The following SLC25A45 variants were observed in gnomAD, a reference collection of about 807,000 sequenced individuals.
The protein encoded by SLC25A45 is solute carrier family 25 member 45, also known as methylated amino-acid transporter SLC25A45.
Under a neutral mutation model 23.0 loss-of-function variants are expected in SLC25A45, and 22 were observed. The observed-to-expected ratio is 0.95, with a 90% confidence interval of 0.68 to 1.36. The LOEUF (loss-of-function observed/expected upper bound fraction) is 1.36, where lower values mean the gene tolerates loss of function less well. SLC25A45 is among the 40% of genes most tolerant of loss of function. The probability of loss-of-function intolerance (pLI) is 0.00; values close to 1 mark genes in which losing one functional copy is unlikely to be tolerated. For missense variants in SLC25A45, 355 were observed against 383.5 expected, an observed-to-expected ratio of 0.93 and a Z score of 0.62; for synonymous variants, 136 against 155.0, an observed-to-expected ratio of 0.88 and a Z score of 0.91.
At chr11:65,379,120 G>A (rs1226136081) in intron 5 of SLC25A45, 1 of 496,352 alleles carries the variant, frequency 2.0e-6, no homozygotes, top group Non-Finnish European at 3.6e-6. Flanking sequence ...CCCGTCAGCT[G>A]GAGCGAGTGG....
intron 2 of SLC25A45, 77 bp from the exon 3 acceptor site, chr11:65,380,252 AG>A: frequency 5.0e-6 from 8 of 1,607,706 alleles, no homozygotes; most frequent in Non-Finnish European, 6.8e-6. Context: ...AAGAGGAAAG[AG>A]GGGTTCAGGC....
rs1358435415 is a variant in SLC25A45, at chr11:65,382,202, C to G, written c.-18-233G>C. Reference sequence around the variant, plus strand: ...CAGGCGTGCCGGGACCACAGAGGCCCTGATCCCCGAGCCCGGCCAATGATC... The same window carrying G: ...CAGGCGTGCCGGGACCACAGAGGCCGTGATCCCCGAGCCCGGCCAATGATC... On this transcript the variant is annotated intron_variant, in intron 1 of 6. Coordinates refer to ENST00000398802, the MANE Select transcript of SLC25A45 (RefSeq NM_182556.4). The surrounding 1 kb of genome is among the most constrained non-coding windows in gnomAD (Gnocchi z 4.4). The G allele has an allele frequency of 1.8e-6, 1 of 556,766 alleles. No homozygotes were observed. The highest frequency in any genetic ancestry group is 3.2e-6 in the Non-Finnish European group (1 of 308,642). The allele number at this position is 556,766 out of a possible 1,614,324, so 34.5% of individuals were successfully genotyped here.
chr11:65,379,838 G>T, intron 4 of SLC25A45, 29 bp downstream of exon 4: 1 of 1,613,718 alleles, frequency 6.2e-7, no homozygotes, highest in Non-Finnish European at 8.5e-7. Context: ...CCCGAAAGGG[G>T]AAGGACCCCA....
At chr11:65,379,324 C>T (rs373110179) in intron 5 of SLC25A45, 52 bp downstream of exon 5, 19 of 1,589,158 alleles carry the variant, frequency 1.2e-5, no homozygotes, top group African/African-American at 4.0e-5. Context: ...GAGGACAGAT[C>T]GAGATGACCA....
At chr11:65,380,507 CTCTGGGAGAA>C in intron 2 of SLC25A45, 4 of 1,386,952 alleles carry the variant, frequency 2.9e-6, no homozygotes, top group Non-Finnish European at 3.8e-6. Flanking sequence ...AGCCGCGGGA[CTCTGGGAGAA>C]TCACCCAGGT....
rs1855093137 is a variant in SLC25A45 at position 65,375,276 on chromosome 11, C to G, written c.*1131G>C. On this transcript the variant is annotated 3_prime_UTR_variant, in exon 7 of 7. Coordinates refer to ENST00000398802, the MANE Select transcript of SLC25A45 (RefSeq NM_182556.4). ...CCATCCAAAGCGCAATCCCTGACCT[C>G]AGGCAGCTCACAGTCCAGTGGGGAA... is the stretch of plus-strand genomic sequence containing the variant. 6.6e-6 allele frequency: 1 copy of G among 152,414 alleles called. No individual in the cohort carries two copies. Among genetic ancestry groups the G allele is most frequent in the Non-Finnish European group, 1.5e-5 (1 of 68,170 alleles). 9.4% of individuals were successfully genotyped at this position (152,414 alleles called of 1,614,324 possible).
Position 65,376,423 on chromosome 11 carries a change from AG to A in SLC25A45, c.850del (p.Leu284SerfsTer93). 1 of 1,613,684 alleles carries A rather than the reference AG, an allele frequency of 6.2e-7. No individual in the cohort carries two copies. ...CCGCAGGGCTCATCCCCACCAGCGG[AG>A]GAGATATTCGTAGCTGAGGAAGGTG... ...AVTFLSYEYL[L>X]RWWG On this transcript the variant is annotated frameshift_variant, in exon 7 of 7. Transcript: ENST00000398802. LOFTEE classifies it high-confidence loss of function.
intron 1 of SLC25A45, 23 bp from the exon 2 acceptor site, chr11:65,381,992 C>G: frequency 6.4e-7 from 1 of 1,567,808 alleles, no homozygotes; most frequent in South Asian, 1.1e-5. Flanking sequence ...GCAGAGGAGA[C>G]AGAGTTGAAT....
intron 2 of SLC25A45, chr11:65,380,418 G>T: frequency 1.1e-6 from 1 of 949,716 alleles, no homozygotes; most frequent in Non-Finnish European, 1.6e-6. Context: ...ACCTGAGGAT[G>T]CACACCCAAG....
Position 65,382,071 on chromosome 11 carries a change from A to C in SLC25A45, c.-18-102T>G, listed in dbSNP as rs1855598033. ...AATGTTTAACCCTGGCGGGAAGGTG[A>C]GAATTGGCCTGGTGCCCAGACCTCC... On this transcript the variant is annotated intron_variant, in intron 1 of 6. Transcript: ENST00000398802. The surrounding 1 kb of genome is among the most constrained non-coding windows in gnomAD (Gnocchi z 4.4). 3.2e-6 allele frequency: 3 copies of C among 928,640 alleles called. No individual in the cohort carries two copies. The highest frequency in any genetic ancestry group is 5.2e-6 in the Non-Finnish European group (3 of 571,784). The allele number at this position is 928,640 out of a possible 1,614,324, so 57.5% of individuals were successfully genotyped here.
Position 65,382,218 on chromosome 11 carries a change from G to A in SLC25A45, c.-18-249C>T. The stretch of plus-strand genomic sequence containing the variant: ...ACAGAGGCCCTGATCCCCGAGCCCG[G>A]CCAATGATCCTCGCTCTGAGGATGG... On this transcript the variant is annotated intron_variant, in intron 1 of 6. Coordinates refer to ENST00000398802, the MANE Select transcript of SLC25A45 (RefSeq NM_182556.4). The surrounding 1 kb of genome is among the most constrained non-coding windows in gnomAD (Gnocchi z 4.4). The A allele has an allele frequency of 5.6e-6, 3 of 539,192 alleles. No homozygotes were observed. Among genetic ancestry groups the A allele is most frequent in the East Asian group, 3.1e-5 (1 of 32,298 alleles). The allele number at this position is 539,192 out of a possible 1,614,324, so 33.4% of individuals were successfully genotyped here.
chr11:65,377,353 A>G, intron 5 of SLC25A45: 1 of 1,311,634 alleles, frequency 7.6e-7, no homozygotes, highest in Non-Finnish European at 9.7e-7. Flanking sequence ...GCAGGCACTC[A>G]GAACAAGCCT....
In SLC25A45 at chr11:65,380,157, A is replaced by G. The variant is rs778534097; in HGVS notation, c.56T>C (p.Leu19Pro). ...CTTTACAGTGTCAAACGGGTGTCCC[A>G]GGACCAAGCCCAGAGCGCCTGTGGT... is the stretch of plus-strand genomic sequence containing the variant. ...GWISGALGLV[L>P]GHPFDTVKVR... The change falls in exon 3 of 7, where the codon CTG becomes CCG. Residue 19 changes from leucine to proline, a missense_variant. Leu to Pro is a moderately conservative substitution (Grantham distance 98, BLOSUM62 -3). Coordinates refer to ENST00000398802, the MANE Select transcript of SLC25A45 (RefSeq NM_182556.4). 1.1e-4 allele frequency: 181 copies of G among 1,614,214 alleles called. No homozygotes were observed. The Middle Eastern group carries it at 1.7e-3, about 15-fold the overall frequency.
At chr11:65,377,179 A>G (rs2137774491) in intron 5 of SLC25A45, 103 bp from the exon 6 acceptor site, 1 of 1,478,936 alleles carries the variant, frequency 6.8e-7, no homozygotes, top group African/African-American at 1.4e-5. Flanking sequence ...CACATCTTCC[A>G]GTCCCTCAGG....
At position 65,376,889 on chromosome 11, in the gene SLC25A45, G is replaced by A. The variant is rs1855224642; in HGVS notation, c.527C>T (p.Pro176Leu). 1 of 1,614,068 alleles carries A rather than the reference G, an allele frequency of 6.2e-7. No homozygotes were observed. The highest frequency in any genetic ancestry group is 1.1e-5 in the South Asian group (1 of 91,096). ...GGTGATGAAGTAGATCCCCACCGTG[G>A]GGGTGTCCCTCAGCGTCAGGGCCCA... ...GAWALTLRDT[P>L]TVGIYFITYE... Residue 176 changes from proline (P) to leucine (L), a missense_variant, in exon 6 of 7, where the codon CCC becomes CTC. Physicochemically the swap from Pro to Leu is moderately conservative, Grantham distance 98. Coordinates refer to ENST00000398802, the MANE Select transcript of SLC25A45 (RefSeq NM_182556.4).
At chr11:65,379,959 G>A (rs1287033970) in intron 3 of SLC25A45, 21 bp from the exon 4 acceptor site, 4 of 1,614,140 alleles carry the variant, frequency 2.5e-6, no homozygotes, top group Non-Finnish European at 2.5e-6. Flanking sequence ...GGACAGAGCA[G>A]GTAGGGTGGC....
At chr11:65,377,306 C>T in intron 5 of SLC25A45, 1 of 1,387,650 alleles carries the variant, frequency 7.2e-7, no homozygotes, top group African/African-American at 1.5e-5. Flanking sequence ...AGAGGCACTG[C>T]CCCTCATGCA....
In SLC25A45 at chr11:65,376,922, C is replaced by T. The variant is rs752698975; in HGVS notation, c.494G>A (p.Arg165Gln). The change falls in exon 6 of 7, where the codon CGA becomes CAA. Residue 165 changes from arginine to glutamine, a missense_variant. Transcript: ENST00000398802. Reference sequence around the variant, plus strand: ...CCTCAGCGTCAGGGCCCAGGCTCCTCGGAACAGCCCCCGGGGCCCCTCCTC... The same window carrying T: ...CCTCAGCGTCAGGGCCCAGGCTCCTTGGAACAGCCCCCGGGGCCCCTCCTC... ...FREEGPRGLF[R>Q]GAWALTLRDT... 6.2e-6 allele frequency: 10 copies of T among 1,613,404 alleles called. No individual in the cohort carries two copies. The East Asian group carries it at 1.1e-4, about 18-fold the overall frequency.
chr11:65,379,332 C>A, intron 5 of SLC25A45, 44 bp downstream of exon 5: 2 of 1,595,558 alleles, frequency 1.3e-6, no homozygotes, highest in Non-Finnish European at 8.5e-7. Context: ...ATCGAGATGA[C>A]CATCCCTATG....
Sources: gnomAD v4.1 joint callset for allele counts on GRCh38, gnomAD v4.1.1 for gene constraint, Gnocchi (gnomAD v3.1) non-coding constraint, MANE v1.5 for transcripts, NCBI Gene and HGNC (gene_info 2026-07-23, HGNC 2026-07-21) for gene names.